Variants in SLC2A11 observed in about 807,000 individuals in gnomAD.
The protein encoded by SLC2A11 is solute carrier family 2, facilitated glucose transporter member 11.
Under a neutral mutation model 52.1 loss-of-function variants are expected in SLC2A11, and 43 were observed. The observed-to-expected ratio is 0.82, with a 90% CI of 0.65 to 1.06. The LOEUF is 1.06. Ranked by LOEUF, SLC2A11 falls within the 50% of genes least tolerant of loss-of-function variation. The pLI, the probability that SLC2A11 is intolerant of heterozygous loss-of-function variation, is 0.00. For synonymous variants in SLC2A11, 261 were observed against 277.6 expected (o/e 0.94, Z 0.59); for missense variants, 582 against 654.2 (o/e 0.89, Z 1.20).
At chr22:23,859,930 G>A (rs1001049098) in intron 1 of SLC2A11, among the ~76,000 whole-genome samples, 1 of 152,156 alleles carries the variant, frequency 6.6e-6, no homozygotes, top group Admixed American at 6.5e-5. Flanking sequence ...AGAACAATTT[G>A]CCAGAACAAG....
intron 2 of SLC2A11, chr22:23,865,118 A>C (rs968430133): frequency 2.0e-5 from 3 of 150,434 alleles, no homozygotes; most frequent in African/African-American, 4.9e-5. Context: ...AAAAAAAAAA[A>C]AAAAACCAGA....
chr22:23,870,152 G>A (rs1375693975), intron 3 of SLC2A11: 2 of 643,146 alleles, frequency 3.1e-6, no homozygotes, highest in South Asian at 3.7e-5. Flanking sequence ...TGGGGAGTAG[G>A]GGAACAGTCG....
In SLC2A11 at chr22:23,882,830, C is replaced by T. The variant is rs574457434; in HGVS notation, c.954C>T (p.Ile318=). 3.0e-5 allele frequency: 49 copies of T among 1,613,684 alleles called. No homozygotes were observed. The highest frequency in any genetic ancestry group is 1.7e-4 in the Admixed American group (10 of 60,000). ...VPEAKIQYAI[I]GTGSCELLTA... Reference sequence around the variant, plus strand: ...AAGCGAAGATCCAGTACGCGATCATCGGGACTGGGAGCTGCGAGCTGCTCA... The same window carrying T: ...AAGCGAAGATCCAGTACGCGATCATTGGGACTGGGAGCTGCGAGCTGCTCA... Residue 318 remains isoleucine, a synonymous_variant, in exon 8 of 12, where the codon ATC becomes ATT. Coordinates refer to ENST00000316185, the MANE Select transcript of SLC2A11 (RefSeq NM_001024939.4).
intron 5 of SLC2A11, 125 bp downstream of exon 5, chr22:23,877,296 A>G (rs1262777630): frequency 1.3e-6 from 2 of 1,486,930 alleles, no homozygotes; most frequent in Admixed American, 1.8e-5. Context: ...AAGGCATCGA[A>G]TCCTCTATCC....
intron 3 of SLC2A11, chr22:23,872,725 C>G (rs749943429): frequency 2.6e-5 from 4 of 152,192 alleles, no homozygotes; most frequent in Admixed American, 6.5e-5. Context: ...GTCCCTCCTT[C>G]TTAGAGGAAG....
In SLC2A11 at chr22:23,859,973, G is replaced by A. The variant is rs77011564; in HGVS notation, c.30+1944G>A. Among the ~76,000 whole-genome samples the A allele has an allele frequency of 2.9e-3, 434 of 152,266 alleles. 1 individual carries two copies. Among genetic ancestry groups the A allele is most frequent in the African/African-American group, 9.8e-3 (408 of 41,564 alleles). On this transcript the variant is annotated intron_variant, in intron 1 of 11. Transcript: ENST00000316185. ...GTATTTTTTGGGGGAAGATATCAACGATTCAATTTTTGTAAAGTCAACTAC... is the reference window on the plus strand; with the variant it reads ...GTATTTTTTGGGGGAAGATATCAACAATTCAATTTTTGTAAAGTCAACTAC...
At chr22:23,875,322 CCTT>C in intron 4 of SLC2A11, 81 bp downstream of exon 4, 1 of 1,276,314 alleles carries the variant, frequency 7.8e-7, no homozygotes, top group Non-Finnish European at 1.0e-6. Context: ...TTCATTTCTT[CCTT>C]CATTTCCTCC....
At chr22:23,860,649 G>A (rs1333045269) in intron 1 of SLC2A11, among the ~76,000 whole-genome samples, 44 of 150,282 alleles carry the variant, frequency 2.9e-4, no homozygotes, top group Non-Finnish European at 4.9e-4. Context: ...CAGGAGAATC[G>A]CTTGAACTGG....
chr22:23,883,848 T>A lies in SLC2A11; in HGVS notation c.1070T>A (p.Ile357Asn), dbSNP rs754368134. ...AGCCTGATGACCTGCTGGGGGAGCA[T>A]CTTCACTGTGGCCCTGTGCCTGCAG... Reference protein sequence around the residue: ...GYSLMTCWGSIFTVALCLQSS... With the variant: ...GYSLMTCWGSNFTVALCLQSS... Residue 357 changes from isoleucine to asparagine, a missense_variant, in exon 9 of 12, where the codon ATC (isoleucine) becomes AAC (asparagine). Physicochemically the swap from Ile to Asn is moderately radical, Grantham distance 149 (BLOSUM62 -3). Transcript: ENST00000316185. 1 of 1,590,828 alleles carries A rather than the reference T, an allele frequency of 6.3e-7. No homozygotes were observed. The highest frequency in any genetic ancestry group is 1.1e-5 in the South Asian group (1 of 87,998).
chr22:23,860,642 G>T (rs137972406), intron 1 of SLC2A11, among the ~76,000 whole-genome samples: 10,311 of 151,114 alleles, frequency 0.068, 371 homozygotes, highest in Middle Eastern at 0.13. Context: ...GCTGAGGCAG[G>T]AGAATCGCTT....
At chr22:23,859,452 TG>T (rs1435078890) in intron 1 of SLC2A11, among the ~76,000 whole-genome samples, 4 of 151,798 alleles carry the variant, frequency 2.6e-5, no homozygotes, top group Admixed American at 2.6e-4. Context: ...AGCTGTATCT[TG>T]CCCCCCAGCA....
In SLC2A11 at chr22:23,884,400, C is replaced by A. The variant is rs1252962799; in HGVS notation, c.1270C>A (p.Leu424Met). 1.2e-6 allele frequency: 2 copies of A among 1,613,962 alleles called. No homozygotes were observed. The highest frequency in any genetic ancestry group is 1.7e-6 in the Non-Finnish European group (2 of 1,179,960). ...CGALMWIMLI[L>M]VGLGFPFIME... Reference sequence around the variant, plus strand: ...GGCGCTCATGTGGATCATGCTCATCCTGGTCGGCCTGGGATTTCCCTTTAT... The same window carrying A: ...GGCGCTCATGTGGATCATGCTCATCATGGTCGGCCTGGGATTTCCCTTTAT... Residue 424 changes from leucine (L) to methionine (M), a missense_variant, in exon 11 of 12, where the codon CTG becomes ATG. Physicochemically the swap from Leu to Met is conservative, Grantham distance 15. Transcript: ENST00000316185. The surrounding 1 kb of genome is among the most constrained non-coding windows in gnomAD (Gnocchi z 4.3).
upstream of SLC2A11, chr22:23,857,254 A>G (rs1029163628): frequency 8.3e-5 from 61 of 732,146 alleles, no homozygotes; most frequent in Non-Finnish European, 1.3e-4. Context: ...ACCCGCAGAC[A>G]TTTAGTCCAG....
At chr22:23,876,777 TGTG>T (rs1284585377) in intron 4 of SLC2A11, among the ~76,000 whole-genome samples, 1 of 151,694 alleles carries the variant, frequency 6.6e-6, no homozygotes. Context: ...CCCATGAACA[TGTG>T]GTACTGTGGC....
chr22:23,882,264 A>C (rs1160812153), intron 6 of SLC2A11, 195 bp from the exon 7 acceptor site: 1 of 564,490 alleles, frequency 1.8e-6, no homozygotes, highest in Non-Finnish European at 3.1e-6. Flanking sequence ...ACACACACAC[A>C]CAGAGACACA....
chr22:23,883,139 G>A, intron 8 of SLC2A11: 1 of 474,882 alleles, frequency 2.1e-6, no homozygotes, highest in South Asian at 2.0e-5. Flanking sequence ...GCGGGCGCCT[G>A]TAATCCCAGG....
At chr22:23,864,579 C>T (rs2032192455) in intron 2 of SLC2A11, among the ~76,000 whole-genome samples, 1 of 152,180 alleles carries the variant, frequency 6.6e-6, no homozygotes. Context: ...CTTGGACTCC[C>T]AAAGTGCTGG....
In SLC2A11 at chr22:23,883,996, C is replaced by T. The variant is rs2032917704; in HGVS notation, c.1143C>T (p.Ala381=). 3 of 1,613,492 alleles carry T rather than the reference C, an allele frequency of 1.9e-6. No individual in the cohort carries two copies. The highest frequency in any genetic ancestry group is 1.7e-4 in the Middle Eastern group (1 of 6,054). Residue 381 remains alanine (A), a synonymous_variant, in exon 10 of 12, where the codon GCC becomes GCT. Coordinates refer to ENST00000316185, the MANE Select transcript of SLC2A11 (RefSeq NM_001024939.4). ...ACCTGGCCATGGCCTGCATCTTTGC[C>T]TTCATCCTCAGCTTTGGCATTGGCC... The part of the protein sequence containing the change: ...TLYLAMACIF[A]FILSFGIGPA...
At chr22:23,857,405 C>A, upstream of SLC2A11, 1 of 1,595,366 alleles carries the variant, frequency 6.3e-7, no homozygotes, top group Non-Finnish European at 8.5e-7. Context: ...GACCAGAGCT[C>A]CCTTCCGGCC....
Sources: gnomAD v4.1 joint callset for allele counts (sites outside exome capture counted in the v4.1 genomes callset) on GRCh38, gnomAD v4.1.1 for gene constraint, Gnocchi (gnomAD v3.1) non-coding constraint, MANE v1.5 for transcripts, NCBI Gene and HGNC (gene_info 2026-07-23, HGNC 2026-07-21) for gene names.